The following C12orf75 variants were observed in gnomAD, a reference collection of about 807,000 sequenced individuals.
C12orf75 encodes the protein overexpressed in colon carcinoma 1 protein.
C12orf75 carries 4 observed loss-of-function variants against 11.4 expected under a neutral mutation model. The ratio of observed to expected loss-of-function variants is 0.35; its 90% CI spans 0.17 to 0.80. C12orf75 has a LOEUF of 0.80. C12orf75 is among the 30% of genes least tolerant of loss of function. The pLI, the probability that C12orf75 is intolerant of heterozygous loss-of-function variation, is 0.52. For missense variants in C12orf75, 89 were observed against 80.4 expected (o/e 1.11, Z -0.41); for synonymous variants, 30 against 30.0 (o/e 1.00, Z 0.00).
chr12:105,358,063 A>G (rs1028824760), intron 2 of C12orf75, among the ~76,000 whole-genome samples: 1 of 151,936 alleles, frequency 6.6e-6, no homozygotes, highest in Non-Finnish European at 1.5e-5. Flanking sequence ...GCCCCAGCTG[A>G]TCTTGAACTC....
rs1391828093 is a variant in C12orf75, at chr12:105,365,804, T to C, written c.72-3T>C. 1.3e-6 allele frequency: 2 copies of C among 1,547,718 alleles called. No homozygotes were observed. Among genetic ancestry groups the C allele is most frequent in the Non-Finnish European group, 1.7e-6 (2 of 1,143,358 alleles). On this transcript the variant is annotated splice_region_variant and splice_polypyrimidine_tract_variant and intron_variant, in intron 2 of 5. Transcript: ENST00000443585. ...CTCATAGCAAATGTTTCTGACCTTT[T>C]AGAACAGAAGAATCCGTAACAGAAG...
At chr12:105,336,983 T>G (rs1892506862) in intron 1 of C12orf75, among the ~76,000 whole-genome samples, 1 of 152,172 alleles carries the variant, frequency 6.6e-6, no homozygotes, top group Non-Finnish European at 1.5e-5. Flanking sequence ...GATTGATTTC[T>G]GCCATTGTCA....
chr12:105,360,816 C>T (rs1007114184), intron 2 of C12orf75, among the ~76,000 whole-genome samples: 1 of 152,016 alleles, frequency 6.6e-6, no homozygotes, highest in African/African-American at 2.4e-5. Flanking sequence ...GTCTCTGTTG[C>T]CCAGCCTGGA....
intron 5 of C12orf75, among the ~76,000 whole-genome samples, chr12:105,369,303 G>A (rs546145454): frequency 2.0e-5 from 3 of 152,116 alleles, no homozygotes; most frequent in African/African-American, 4.8e-5. Flanking sequence ...TATAATTTTA[G>A]GCAGCTAGCT....
At position 105,348,642 on chromosome 12, in the gene C12orf75, T is replaced by A; in HGVS notation, c.71+16T>A. 6.6e-7 allele frequency: 1 copy of A among 1,518,364 alleles called. No individual in the cohort carries two copies. The highest frequency in any genetic ancestry group is 8.9e-7 in the Non-Finnish European group (1 of 1,123,590). 94.1% of individuals were successfully genotyped at this position (1,518,364 alleles called of 1,614,324 possible). Reference sequence around the variant, plus strand: ...CCAAAGATGTGTAAGTATTGAATATTAATGATTTTATAAGCTGTCTTTCTG... The same window carrying A: ...CCAAAGATGTGTAAGTATTGAATATAAATGATTTTATAAGCTGTCTTTCTG... On this transcript the variant is annotated intron_variant, in intron 2 of 5. Transcript: ENST00000443585.
At chr12:105,331,752 T>A (rs1008834501) in intron 1 of C12orf75, among the ~76,000 whole-genome samples, 2 of 152,168 alleles carry the variant, frequency 1.3e-5, no homozygotes, top group Non-Finnish European at 2.9e-5. Flanking sequence ...ACCCTGCCTA[T>A]GTCTCGGGAT....
intron 3 of C12orf75, 112 bp downstream of exon 3, chr12:105,365,954 G>C: frequency 1.3e-6 from 1 of 776,116 alleles, no homozygotes. Context: ...GAAAACTGTT[G>C]GCACAGAGAA....
At chr12:105,369,364 C>T (rs1871565830) in intron 5 of C12orf75, among the ~76,000 whole-genome samples, 1 of 151,906 alleles carries the variant, frequency 6.6e-6, no homozygotes, top group Non-Finnish European at 1.5e-5. Flanking sequence ...TTTATTGCAC[C>T]CCTCTCTCTC....
chr12:105,344,387 AG>A (rs997565188), intron 1 of C12orf75, among the ~76,000 whole-genome samples: 72 of 152,258 alleles, frequency 4.7e-4, no homozygotes, highest in African/African-American at 1.7e-3. Context: ...GAGATGTAGC[AG>A]GGCAGCCTTG....
chr12:105,339,364 A>C (rs1234638870), intron 1 of C12orf75, among the ~76,000 whole-genome samples: 1 of 151,526 alleles, frequency 6.6e-6, no homozygotes, highest in Non-Finnish European at 1.5e-5. Context: ...ATTTATGCTG[A>C]AAGAAGAGTG....
intron 2 of C12orf75, among the ~76,000 whole-genome samples, chr12:105,352,739 A>G (rs182477801): frequency 6.6e-4 from 100 of 152,264 alleles, no homozygotes; most frequent in Non-Finnish European, 2.8e-4. Flanking sequence ...CTGGTGGTGG[A>G]GAGAATAACG....
At chr12:105,363,465 G>A (rs2136151201) in intron 2 of C12orf75, among the ~76,000 whole-genome samples, 1 of 152,272 alleles carries the variant, frequency 6.6e-6, no homozygotes, top group African/African-American at 2.4e-5. Flanking sequence ...GGGTGGCTCA[G>A]CCTGTAATCC....
chr12:105,358,193 A>G (rs866699816), intron 2 of C12orf75, among the ~76,000 whole-genome samples: 7 of 151,974 alleles, frequency 4.6e-5, no homozygotes, highest in African/African-American at 9.7e-5. Context: ...TACATGTTCT[A>G]TGGTTCTTAG....
intron 1 of C12orf75, among the ~76,000 whole-genome samples, chr12:105,347,270 T>C (rs1892651970): frequency 6.6e-6 from 1 of 152,172 alleles, no homozygotes; most frequent in African/African-American, 2.4e-5. Flanking sequence ...ACTAATAGGA[T>C]AGATGAATGT....
At chr12:105,367,245 G>A (rs1480779344) in intron 4 of C12orf75, among the ~76,000 whole-genome samples, 1 of 152,142 alleles carries the variant, frequency 6.6e-6, no homozygotes, top group African/African-American at 2.4e-5. Context: ...ACTGTACAAT[G>A]TATTGTCTGA....
chr12:105,351,935 C>T (rs1035303352), intron 2 of C12orf75, among the ~76,000 whole-genome samples: 12 of 151,840 alleles, frequency 7.9e-5, no homozygotes, highest in African/African-American at 2.2e-4. Context: ...GGCAGTAACT[C>T]CCAAAGCAGT....
intron 1 of C12orf75, among the ~76,000 whole-genome samples, chr12:105,337,205 T>C (rs757348325): frequency 1.3e-5 from 2 of 152,048 alleles, no homozygotes; most frequent in African/African-American, 2.4e-5. Flanking sequence ...ACACCTGTAA[T>C]CCCAGCTGCT....
chr12:105,330,965 C>A, intron 1 of C12orf75, 28 bp downstream of exon 1: 1 of 833,978 alleles, frequency 1.2e-6, no homozygotes, highest in Non-Finnish European at 1.6e-6. Context: ...CGGGGGCCGG[C>A]GGGGGCGGGC....
At chr12:105,359,485 T>C (rs937813054) in intron 2 of C12orf75, among the ~76,000 whole-genome samples, 17 of 152,092 alleles carry the variant, frequency 1.1e-4, no homozygotes, top group African/African-American at 3.9e-4. Flanking sequence ...AGTGGATTAT[T>C]ACTGGCTGGG....
Sources: allele counts gnomAD v4.1 joint callset (sites outside exome capture counted in the v4.1 genomes callset), GRCh38; gene constraint gnomAD v4.1.1; transcripts MANE v1.5; gene names NCBI Gene and HGNC (gene_info 2026-07-23, HGNC 2026-07-21).